Variants in PKD1 observed in about 807,000 individuals in gnomAD.
PKD1 encodes polycystin-1.
A neutral mutation model predicts 361.7 loss-of-function variants in PKD1; 81 were observed. The ratio of observed to expected loss-of-function variants is 0.22; its 90% CI spans 0.19 to 0.27. The LOEUF is 0.27. PKD1 is among the 10% of genes least tolerant of loss of function. The pLI is 1.00. For missense variants in PKD1, 6,399 were observed against 6,118.3 expected, an observed-to-expected ratio of 1.05 and a Z score of -1.53; for synonymous variants, 3,615 against 2,818.3, an observed-to-expected ratio of 1.28 and a Z score of -8.95.
At chr16:2,121,489 C>T (rs528492036) in intron 1 of PKD1, among the ~76,000 whole-genome samples, 6 of 152,108 alleles carry the variant, frequency 3.9e-5, no homozygotes, top group Non-Finnish European at 2.9e-5. Flanking sequence ...TGGTCACAGC[C>T]GTAGGAAAAA....
intron 14 of PKD1, among the ~76,000 whole-genome samples, 164 bp downstream of exon 14, chr16:2,112,176 C>T (rs1308855647): frequency 1.3e-5 from 2 of 152,228 alleles, no homozygotes; most frequent in Non-Finnish European, 2.9e-5. Flanking sequence ...ACTCCCCCCA[C>T]GCCTGGCCCC....
intron 1 of PKD1, 63 bp downstream of exon 1, chr16:2,135,412 G>A: frequency 1.8e-6 from 2 of 1,124,816 alleles, no homozygotes; most frequent in Non-Finnish European, 2.2e-6. Context: ...CCCGGGCCAG[G>A]GAACGCGCCC....
At chr16:2,098,331 C>T (rs2091935780) in intron 30 of PKD1, 1 of 381,266 alleles carries the variant, frequency 2.6e-6, no homozygotes. Context: ...GGCTCAGCCT[C>T]CTGAGTAGCT....
chr16:2,100,042 G>T lies in PKD1; in HGVS notation c.9742C>A (p.Leu3248Met), dbSNP rs1278316500. ...CCACGCTGCAGCTCAGCCACCAGCA[G>T]GCGCCGGAAGCGCAAAAGGGCTGCG... ...SDAALLRFRRLLVAELQRGFF... is the reference protein window; with the variant it reads ...SDAALLRFRRMLVAELQRGFF... The change falls in exon 29 of 46, where the codon CTG becomes ATG. Residue 3248 changes from leucine (L) to methionine (M), a missense_variant. By Grantham distance (15) the Leu-to-Met change is conservative (BLOSUM62 2). Transcript: ENST00000262304. This position sits in a 1 kb window ranked among gnomAD's most constrained non-coding sequence, Gnocchi z 4.4. The T allele has an allele frequency of 1.3e-6, 2 of 1,586,408 alleles. No homozygotes were observed. Among genetic ancestry groups the T allele is most frequent in the East Asian group, 2.3e-5 (1 of 43,344 alleles).
At chr16:2,127,212 G>T (rs978202163) in intron 1 of PKD1, among the ~76,000 whole-genome samples, 19 of 152,236 alleles carry the variant, frequency 1.2e-4, no homozygotes, top group Non-Finnish European at 2.9e-5. Context: ...GGCACTGAGC[G>T]GAACTCAGGC....
chr16:2,123,437 A>G (rs1009642409), intron 1 of PKD1: 1 of 456,236 alleles, frequency 2.2e-6, no homozygotes, highest in African/African-American at 2.0e-5. Flanking sequence ...GACAGGGAAC[A>G]GCACAGGGGT....
Position 2,100,442 on chromosome 16 carries a change from G to C in PKD1, c.9522C>G (p.His3174Gln). The change falls in exon 27 of 46, where the codon CAC becomes CAG. Residue 3174 changes from histidine (H) to glutamine (Q), a missense_variant. By Grantham distance (24) the His-to-Gln change is conservative (BLOSUM62 0). Coordinates refer to ENST00000262304, the MANE Select transcript of PKD1 (RefSeq NM_001009944.3). The surrounding 1 kb of genome is among the most constrained non-coding windows in gnomAD (Gnocchi z 4.4). ...SLDIFRIATP[H>Q]SLGSVWKIRV... ...GGATCTTCCACACGCTACCCAGGCTGTGCGGGGTGGCGATCCGGAAGATGT... is the reference window on the plus strand; with the variant it reads ...GGATCTTCCACACGCTACCCAGGCTCTGCGGGGTGGCGATCCGGAAGATGT... 1 of 1,611,010 alleles carries C rather than the reference G, an allele frequency of 6.2e-7. No individual in the cohort carries two copies. The highest frequency in any genetic ancestry group is 1.1e-5 in the South Asian group (1 of 90,988).
At chr16:2,129,027 C>T (rs1453070061) in intron 1 of PKD1, among the ~76,000 whole-genome samples, 2 of 152,058 alleles carry the variant, frequency 1.3e-5, no homozygotes, top group Admixed American at 6.6e-5. Context: ...CCACACCTCG[C>T]TAATTTTTGT....
intron 38 of PKD1, 160 bp downstream of exon 38, chr16:2,092,794 C>T: frequency 3.2e-6 from 3 of 923,912 alleles, no homozygotes; most frequent in South Asian, 2.7e-5. Flanking sequence ...AAGACACGGA[C>T]CTGTGTCCCT....
At chr16:2,102,722 C>T (rs1008016151) in intron 24 of PKD1, 89 bp from the exon 25 acceptor site, 95 of 1,605,010 alleles carry the variant, frequency 5.9e-5, no homozygotes, top group Non-Finnish European at 7.2e-5. Flanking sequence ...CCAGTCCCCT[C>T]GCTGCCTGCC....
chr16:2,089,785 G>T lies in PKD1; in HGVS notation c.12854C>A (p.Thr4285Asn). The T allele has an allele frequency of 6.3e-7, 1 of 1,597,998 alleles. No individual in the cohort carries two copies. The highest frequency in any genetic ancestry group is 8.5e-7 in the Non-Finnish European group (1 of 1,173,484). Residue 4285 changes from threonine to asparagine, a missense_variant, in exon 46 of 46, where the codon ACT becomes AAT. Transcript: ENST00000262304. ...ARASRGVDLA[T>N]GPSRTPLRAK... Reference sequence around the variant, plus strand: ...CCGAAGGGGTGTCCTGCTGGGGCCAGTGGCCAGGTCCACACCCCGACTGGC... The same window carrying T: ...CCGAAGGGGTGTCCTGCTGGGGCCATTGGCCAGGTCCACACCCCGACTGGC...
rs746666944 is a variant in PKD1 at position 2,089,877 on chromosome 16, C to T, written c.12762G>A (p.Ala4254=). The T allele has an allele frequency of 1.2e-5, 20 of 1,609,708 alleles. No individual in the cohort carries two copies. The Admixed American group carries it at 1.3e-4, about 11-fold the overall frequency. ...HSLQGRRSSR[A]PAGSSRGPSP... is the part of the protein sequence containing the mutation. ...ATGGGCCACGGGAAGATCCGGCGGGCGCCCGGCTGCTCCTGCGGCCTTGCA... is the reference window on the plus strand; with the variant it reads ...ATGGGCCACGGGAAGATCCGGCGGGTGCCCGGCTGCTCCTGCGGCCTTGCA... Residue 4254 remains alanine, a synonymous_variant, in exon 46 of 46, where the codon GCG becomes GCA. Coordinates refer to ENST00000262304, the MANE Select transcript of PKD1 (RefSeq NM_001009944.3).
Position 2,102,502 on chromosome 16 carries a change from G to A in PKD1, c.9080C>T (p.Thr3027Ile), listed in dbSNP as rs754640083. Residue 3027 changes from threonine (T) to isoleucine (I), a missense_variant, in exon 25 of 46, where the codon ACA becomes ATA. Coordinates refer to ENST00000262304, the MANE Select transcript of PKD1 (RefSeq NM_001009944.3). ...YFSEEDMVWR[T>I]EGLLPLEETS... ...CTCCTCCAGGGGCAGCAGCCCCTCT[G>A]TCCGCCACACCATGTCCTCCTCGCT... 46 of 1,589,930 alleles carry A rather than the reference G, an allele frequency of 2.9e-5. No homozygotes were observed. The highest frequency in any genetic ancestry group is 1.8e-5 in the Non-Finnish European group (21 of 1,170,244).
intron 37 of PKD1, 81 bp downstream of exon 37, chr16:2,093,463 C>T: frequency 1.5e-6 from 2 of 1,311,120 alleles, no homozygotes; most frequent in Non-Finnish European, 2.1e-6. Flanking sequence ...GAAAGGGGGA[C>T]AGGAGTGTCC....
intron 1 of PKD1, chr16:2,119,975 G>A (rs1234378948): frequency 6.7e-6 from 4 of 598,854 alleles, no homozygotes; most frequent in Admixed American, 2.9e-5. Context: ...CACCGTGGGA[G>A]CTGAGACGGA....
chr16:2,090,250 G>T (rs769648422), intron 45 of PKD1, 35 bp downstream of exon 45: 1 of 1,609,244 alleles, frequency 6.2e-7, no homozygotes, highest in African/African-American at 1.3e-5. Flanking sequence ...AGAGCCCAGG[G>T]CGTGTCCCTC....
rs868319556 is a variant in PKD1, at chr16:2,117,026, C to T, written c.1413G>A (p.Ser471=). 13 of 1,584,462 alleles carry T rather than the reference C, an allele frequency of 8.2e-6. No homozygotes were observed. Among genetic ancestry groups the T allele is most frequent in the African/African-American group, 8.0e-5 (6 of 74,602 alleles). The change falls in exon 7 of 46, where the codon TCG becomes TCA. Residue 471 remains serine, a synonymous_variant. Transcript: ENST00000262304. ...TRSLDVWIGF[S]TVQGVEVGPA... The stretch of plus-strand genomic sequence containing the variant: ...GGCCCACCTCCACCCCCTGCACAGT[C>T]GAGAAGCCGATCCACACGTCTAGGC...
In PKD1 at chr16:2,110,544, A is replaced by C. The variant is rs751989000; in HGVS notation, c.4623T>G (p.Asn1541Lys). 5 of 1,611,586 alleles carry C rather than the reference A, an allele frequency of 3.1e-6. No individual in the cohort carries two copies. Among genetic ancestry groups the C allele is most frequent in the Non-Finnish European group, 4.2e-6 (5 of 1,179,816 alleles). The change falls in exon 15 of 46, where the codon AAT becomes AAG. Residue 1541 changes from asparagine to lysine, a missense_variant. Physicochemically the swap from Asn to Lys is moderately conservative, Grantham distance 94. Coordinates refer to ENST00000262304, the MANE Select transcript of PKD1 (RefSeq NM_001009944.3). ...NEVSRSEAWL[N>K]VTVKRRVRGL... ...CCCGCACGCGCCGCTTCACCGTCAC[A>C]TTGAGCCAGGCCTCGCTGCGGCTCA...
In PKD1 at chr16:2,118,382, G is replaced by T; in HGVS notation, c.610C>A (p.Leu204Met). The T allele has an allele frequency of 8.0e-7, 1 of 1,249,228 alleles. No individual in the cohort carries two copies. Among genetic ancestry groups the T allele is most frequent in the Non-Finnish European group, 1.1e-6 (1 of 886,614 alleles). The allele number at this position is 1,249,228 out of a possible 1,614,324, so 77.4% of individuals were successfully genotyped here. A position where few individuals can be genotyped will look rare whatever the true frequency, so the allele number is the denominator to read the frequency against. The change falls in exon 5 of 46, where the codon CTG becomes ATG. Residue 204 changes from leucine (L) to methionine (M), a missense_variant. Coordinates refer to ENST00000262304, the MANE Select transcript of PKD1 (RefSeq NM_001009944.3). The surrounding 1 kb of genome is among the most constrained non-coding windows in gnomAD (Gnocchi z 6.0). ...GCGCTGCAGGCCTCTGGCTGAAGCA[G>T]GCCTTCGTGGGCAGCTGAAAAGGAC... is the stretch of plus-strand genomic sequence containing the variant. ...AVSFSAAHEG[L>M]LQPEACSAFC...
Sources: allele counts gnomAD v4.1 joint callset (sites outside exome capture counted in the v4.1 genomes callset), GRCh38; gene constraint gnomAD v4.1.1; non-coding constraint Gnocchi (gnomAD v3.1); transcripts MANE v1.5; gene names NCBI Gene and HGNC (gene_info 2026-07-23, HGNC 2026-07-21).